PHC1: variants seen among roughly 807,000 people sequenced by gnomAD.
PHC1 encodes polyhomeotic-like protein 1.
PHC1 carries 12 observed loss-of-function variants against 104.3 expected under a neutral mutation model. That is an observed-to-expected ratio of 0.12 (90% confidence interval 0.07 to 0.19). The LOEUF (loss-of-function observed/expected upper bound fraction) is 0.19. Among genes scored for constraint, PHC1 ranks in the 10% least tolerant of loss-of-function variants. PHC1 has a pLI of 1.00. For missense variants in PHC1, 671 were observed against 1,200.0 expected (o/e 0.56, Z 6.51); for synonymous variants, 302 against 455.8 (o/e 0.66, Z 4.30).
chr12:8,933,492 G>T (rs776571942), intron 8 of PHC1, 142 bp downstream of exon 8: 26 of 1,074,788 alleles, frequency 2.4e-5, no homozygotes, highest in Non-Finnish European at 3.4e-5. Flanking sequence ...CTGTAAGAGA[G>T]TGACACATTA....
Position 8,935,258 on chromosome 12 carries a change from C to G in PHC1, c.2368+20C>G. The G allele has an allele frequency of 7.5e-7, 1 of 1,328,520 alleles. No individual in the cohort carries two copies. The highest frequency in any genetic ancestry group is 1.1e-6 in the Non-Finnish European group (1 of 939,382). 82.3% of individuals were successfully genotyped at this position (1,328,520 alleles called of 1,614,324 possible). On this transcript the variant is annotated intron_variant, in intron 11 of 14. Transcript: ENST00000544916. ...CTGCTGGTGAGCATTTATTTAGAGA[C>G]TCATTTGGGGGAAGGAGACTCGTGG...
Position 8,919,919 on chromosome 12 carries a change from T to C in PHC1, c.225+53T>C, listed in dbSNP as rs748656495. The stretch of plus-strand genomic sequence containing the variant: ...AGAGGGAGGGGACAGGCACTACAGG[T>C]GGGTAGGGGAGATTTTTTGGGCATA... On this transcript the variant is annotated intron_variant, in intron 3 of 14. Transcript: ENST00000544916. The surrounding 1 kb of genome is among the most constrained non-coding windows in gnomAD (Gnocchi z 4.9). 12 of 1,572,390 alleles carry C rather than the reference T, an allele frequency of 7.6e-6. No individual in the cohort carries two copies. The highest frequency in any genetic ancestry group is 1.4e-5 in the African/African-American group (1 of 74,022).
chr12:8,917,929 G>C (rs1945247798), intron 2 of PHC1, 138 bp downstream of exon 2: 3 of 592,988 alleles, frequency 5.1e-6, no homozygotes, highest in African/African-American at 2.0e-5. Flanking sequence ...CTGTCTTCCA[G>C]CTCTGAGAAT....
At chr12:8,918,006 A>G (rs1349183963) in intron 2 of PHC1, among the ~76,000 whole-genome samples, 1 of 152,246 alleles carries the variant, frequency 6.6e-6, no homozygotes, top group East Asian at 1.9e-4. Context: ...AGGATTTAAA[A>G]AACACATTCA....
At chr12:8,937,714 T>C (rs1160782647) in intron 13 of PHC1, 115 bp from the exon 14 acceptor site, 4 of 725,188 alleles carry the variant, frequency 5.5e-6, no homozygotes, top group Non-Finnish European at 7.0e-6. Flanking sequence ...GCTGCTTATT[T>C]CACATATGAT....
chr12:8,915,580 G>A lies in PHC1; in HGVS notation c.-49+753G>A, dbSNP rs567228434. 2.6e-5 allele frequency among the ~76,000 whole-genome samples: 4 copies of A among 152,256 alleles called. No individual in the cohort carries two copies. The South Asian group carries it at 8.3e-4, about 32-fold the overall frequency. ...TGTATGCCCACATGCTACCTTTTAAGATGACCATGGCTTAGCTACTCTGGG... is the reference window on the plus strand; with the variant it reads ...TGTATGCCCACATGCTACCTTTTAAAATGACCATGGCTTAGCTACTCTGGG... On this transcript the variant is annotated intron_variant, in intron 1 of 14. Coordinates refer to ENST00000544916, the MANE Select transcript of PHC1 (RefSeq NM_004426.3).
Position 8,919,743 on chromosome 12 carries a change from T to C in PHC1, c.115-13T>C. 1 of 1,609,650 alleles carries C rather than the reference T, an allele frequency of 6.2e-7. No homozygotes were observed. Among genetic ancestry groups the C allele is most frequent in the Non-Finnish European group, 8.5e-7 (1 of 1,178,196 alleles). On this transcript the variant is annotated splice_polypyrimidine_tract_variant and intron_variant, in intron 2 of 14. Coordinates refer to ENST00000544916, the MANE Select transcript of PHC1 (RefSeq NM_004426.3). This position sits in a 1 kb window ranked among gnomAD's most constrained non-coding sequence, Gnocchi z 4.9. ...GTGGTCCATTCTAAATGTTTTATCCTCTCTTTTCCTAGGCTCTGCAAGCAC... is the reference window on the plus strand; with the variant it reads ...GTGGTCCATTCTAAATGTTTTATCCCCTCTTTTCCTAGGCTCTGCAAGCAC...
intron 6 of PHC1, among the ~76,000 whole-genome samples, chr12:8,927,139 G>A (rs780916458): frequency 3.9e-5 from 6 of 152,212 alleles, no homozygotes; most frequent in Non-Finnish European, 7.3e-5. Context: ...GTGTGCATGC[G>A]CGCATGCGTG....
In PHC1 at chr12:8,921,707, C is replaced by T. The variant is rs1565513626; in HGVS notation, c.413C>T (p.Thr138Ile). The T allele has an allele frequency of 1.9e-6, 3 of 1,612,624 alleles. No homozygotes were observed. The highest frequency in any genetic ancestry group is 8.5e-7 in the Non-Finnish European group (1 of 1,179,148). ...LTQSVLLGNT[T>I]SPPLNQSQAQ... ...CAATCTGTGCTACTGGGGAACACCA[C>T]CTCCCCACCCCTCAACCAGTCTCAG... The change falls in exon 5 of 15, where the codon ACC becomes ATC. Residue 138 changes from threonine (T) to isoleucine (I), a missense_variant. Physicochemically the swap from Thr to Ile is moderately conservative, Grantham distance 89 (BLOSUM62 -1). Around this residue, in one of 9 missense-constraint regions of PHC1, gnomAD observed 237 missense variants for 331.1 expected, o/e 0.72. Coordinates refer to ENST00000544916, the MANE Select transcript of PHC1 (RefSeq NM_004426.3).
At chr12:8,934,513 G>C in intron 10 of PHC1, 35 bp downstream of exon 10, 1 of 1,511,128 alleles carries the variant, frequency 6.6e-7, no homozygotes, top group East Asian at 2.3e-5. Context: ...ACTTTGAAGT[G>C]GGGACTTGGT....
At chr12:8,917,576 G>C in intron 1 of PHC1, 54 bp from the exon 2 acceptor site, 2 of 519,208 alleles carry the variant, frequency 3.9e-6, no homozygotes, top group Non-Finnish European at 6.8e-6. Context: ...AATAACATGA[G>C]ATAACAGCTT....
chr12:8,939,946 A>C lies in PHC1; in HGVS notation c.*487A>C, dbSNP rs1208740720. Reference sequence around the variant, plus strand: ...CCCCCTCCCAGTGTAGCTGTGGCTCAGAGTTTTTTCTTTTTGTTGTCACTT... The same window carrying C: ...CCCCCTCCCAGTGTAGCTGTGGCTCCGAGTTTTTTCTTTTTGTTGTCACTT... On this transcript the variant is annotated 3_prime_UTR_variant, in exon 15 of 15. Coordinates refer to ENST00000544916, the MANE Select transcript of PHC1 (RefSeq NM_004426.3). The C allele has an allele frequency of 2.2e-6, 1 of 455,810 alleles. No individual in the cohort carries two copies. The highest frequency in any genetic ancestry group is 4.4e-6 in the Non-Finnish European group (1 of 226,812). The allele number at this position is 455,810 out of a possible 1,614,324, so 28.2% of individuals were successfully genotyped here.
chr12:8,922,048 A>T (rs1192464831), intron 5 of PHC1, among the ~76,000 whole-genome samples: 8 of 152,150 alleles, frequency 5.3e-5, no homozygotes, highest in Non-Finnish European at 2.9e-5. Context: ...TCCTGACCTC[A>T]GGTGATCCAC....
At position 8,919,623 on chromosome 12, in the gene PHC1, C is replaced by G. The variant is rs1256299014; in HGVS notation, c.115-133C>G. ...AAAATGAAGGAAAATCAGCCGTTGA[C>G]GATTTAGCCCAAACTCCCATCTCCT... is the stretch of plus-strand genomic sequence containing the variant. On this transcript the variant is annotated intron_variant, in intron 2 of 14. Transcript: ENST00000544916. The surrounding 1 kb of genome is among the most constrained non-coding windows in gnomAD (Gnocchi z 4.9). 3 of 853,882 alleles carry G rather than the reference C, an allele frequency of 3.5e-6. No individual in the cohort carries two copies. The highest frequency in any genetic ancestry group is 5.5e-5 in the Admixed American group (2 of 36,500). 52.9% of individuals were successfully genotyped at this position (853,882 alleles called of 1,614,324 possible). A position where few individuals can be genotyped will look rare whatever the true frequency, so the allele number is the denominator to read the frequency against.
At chr12:8,936,118 C>T (rs1318233589) in intron 11 of PHC1, among the ~76,000 whole-genome samples, 1 of 152,152 alleles carries the variant, frequency 6.6e-6, no homozygotes, top group Non-Finnish European at 1.5e-5. Flanking sequence ...TGATGACTCT[C>T]ACCTATAATT....
intron 5 of PHC1, 87 bp downstream of exon 5, chr12:8,921,837 A>G (rs1036532841): frequency 2.3e-6 from 3 of 1,296,380 alleles, no homozygotes; most frequent in African/African-American, 1.5e-5. Flanking sequence ...TTTTTGAGAC[A>G]GAATCTCGCT....
At position 8,930,450 on chromosome 12, in the gene PHC1, G is replaced by A. The variant is rs779083675; in HGVS notation, c.628G>A (p.Val210Ile). The A allele has an allele frequency of 2.5e-6, 4 of 1,606,422 alleles. No individual in the cohort carries two copies. Among genetic ancestry groups the A allele is most frequent in the East Asian group, 4.5e-5 (2 of 44,552 alleles). ...ADADQVQNLA[V>I]RNQQASAQGP... ...TATCTTTCAGGTTCAGAACTTGGCA[G>A]TAAGGAATCAACAGGCCTCAGCTCA... Residue 210 changes from valine to isoleucine, a missense_variant, in exon 7 of 15, where the codon GTA (valine) becomes ATA (isoleucine). Transcript: ENST00000544916.
At chr12:8,933,634 A>G (rs1042395723) in intron 8 of PHC1, 8 of 604,272 alleles carry the variant, frequency 1.3e-5, no homozygotes, top group African/African-American at 3.7e-5. Context: ...TGGTTGGTCT[A>G]CGTGAATACA....
In PHC1 at chr12:8,919,893, G is replaced by C; in HGVS notation, c.225+27G>C. 6.3e-7 allele frequency: 1 copy of C among 1,585,484 alleles called. No individual in the cohort carries two copies. The highest frequency in any genetic ancestry group is 8.6e-7 in the Non-Finnish European group (1 of 1,163,670). On this transcript the variant is annotated intron_variant, in intron 3 of 14. Transcript: ENST00000544916. The surrounding 1 kb of genome is among the most constrained non-coding windows in gnomAD (Gnocchi z 4.9). The stretch of plus-strand genomic sequence containing the variant: ...TGAGAGGTCAGCAGCCAGCTGGCCC[G>C]AGAGGGAGGGGACAGGCACTACAGG...
Sources: gnomAD v4.1 joint callset for allele counts (sites outside exome capture counted in the v4.1 genomes callset) on GRCh38, gnomAD v4.1.1 for gene constraint, gnomAD v4.1.1 regional missense constraint, Gnocchi (gnomAD v3.1) non-coding constraint, MANE v1.5 for transcripts, NCBI Gene and HGNC (gene_info 2026-07-23, HGNC 2026-07-21) for gene names.